ZFAND6: variants seen among roughly 807,000 people sequenced by gnomAD.
ZFAND6 encodes AN1-type zinc finger protein 6.
ZFAND6 carries 12 observed loss-of-function variants against 24.5 expected under a neutral mutation model. That is an observed-to-expected ratio of 0.49 (90% CI 0.31 to 0.79). The LOEUF (loss-of-function observed/expected upper bound fraction) is 0.79, where lower values mean the gene tolerates loss of function less well. ZFAND6 is among the 30% of genes least tolerant of loss of function. The probability of loss-of-function intolerance (pLI) is 0.04; values close to 1 mark genes in which losing one functional copy is unlikely to be tolerated. For synonymous variants in ZFAND6, 92 were observed against 81.5 expected, an observed-to-expected ratio of 1.13 and a Z score of -0.69; for missense variants, 207 against 245.9, an observed-to-expected ratio of 0.84 and a Z score of 1.06.
Position 80,121,724 on chromosome 15 carries a change from G to T in ZFAND6, c.167G>T (p.Ser56Ile). The change falls in exon 4 of 7, where the codon AGT becomes ATT. Residue 56 changes from serine (S) to isoleucine (I), a missense_variant. By Grantham distance (142) the Ser-to-Ile change is moderately radical (BLOSUM62 -2). Around this residue, in one of 3 missense-constraint regions of ZFAND6, gnomAD observed 133 missense variants for 122.8 expected, o/e 1.08. Transcript: ENST00000261749. ...GGTACTGTTACAGCAACCTCTGTCA[G>T]TAGTCTGTCTGAATCTTTACCAGTT... is the stretch of plus-strand genomic sequence containing the variant. ...GRISPPATSV[S>I]SLSESLPVQC... is the part of the protein sequence containing the mutation. The T allele has an allele frequency of 6.2e-7, 1 of 1,613,798 alleles. No individual in the cohort carries two copies. The highest frequency in any genetic ancestry group is 8.5e-7 in the Non-Finnish European group (1 of 1,179,806).
intron 1 of ZFAND6, among the ~76,000 whole-genome samples, chr15:80,066,226 G>A (rs1394528369): frequency 6.6e-6 from 1 of 151,990 alleles, no homozygotes; most frequent in Non-Finnish European, 1.5e-5. Flanking sequence ...TGGATGATCT[G>A]AGACTGTCTC....
chr15:80,133,843 A>C (rs2040731586), intron 6 of ZFAND6, among the ~76,000 whole-genome samples: 1 of 152,236 alleles, frequency 6.6e-6, no homozygotes, highest in Non-Finnish European at 1.5e-5. Context: ...AGGGAAAAAG[A>C]TAAACACCAG....
intron 1 of ZFAND6, among the ~76,000 whole-genome samples, chr15:80,091,135 C>T (rs879423398): frequency 6.7e-6 from 1 of 150,240 alleles, no homozygotes; most frequent in Non-Finnish European, 1.5e-5. Context: ...TCATTAGTAT[C>T]ATATTTTCTA....
chr15:80,107,079 G>A (rs910590388), intron 2 of ZFAND6, among the ~76,000 whole-genome samples: 1 of 152,146 alleles, frequency 6.6e-6, no homozygotes, highest in South Asian at 2.1e-4. Context: ...GCCAGGCATG[G>A]TGGCGGACGC....
rs988702758 is a variant in ZFAND6, at chr15:80,059,695, G to A, written c.-295G>A. 1 of 152,636 alleles carries A rather than the reference G, an allele frequency of 6.6e-6. No individual in the cohort carries two copies. The highest frequency in any genetic ancestry group is 1.5e-5 in the Non-Finnish European group (1 of 68,434). 9.5% of individuals were successfully genotyped at this position (152,636 alleles called of 1,614,324 possible). Reference sequence around the variant, plus strand: ...AAGTTTAATAAACAGCGGACGGAGGGGCCGGCGGTGGCGGAGCCGGAGCAA... The same window carrying A: ...AAGTTTAATAAACAGCGGACGGAGGAGCCGGCGGTGGCGGAGCCGGAGCAA... On this transcript the variant is annotated 5_prime_UTR_variant, in exon 1 of 7. Transcript: ENST00000261749.
At chr15:80,068,333 T>A (rs1235585054) in intron 1 of ZFAND6, among the ~76,000 whole-genome samples, 1 of 151,218 alleles carries the variant, frequency 6.6e-6, no homozygotes, top group Non-Finnish European at 1.5e-5. Flanking sequence ...TTTTTAAAAT[T>A]TTTTGTAGAG....
chr15:80,118,525 A>T (rs1054463599), intron 2 of ZFAND6, among the ~76,000 whole-genome samples: 3 of 152,124 alleles, frequency 2.0e-5, no homozygotes, highest in Admixed American at 6.6e-5. Context: ...TAGCATTTCT[A>T]TACTGTGCTT....
chr15:80,118,536 G>A (rs1484700177), intron 2 of ZFAND6, among the ~76,000 whole-genome samples: 3 of 152,064 alleles, frequency 2.0e-5, no homozygotes, highest in Non-Finnish European at 4.4e-5. Context: ...TACTGTGCTT[G>A]TTATTTTTTA....
At chr15:80,068,897 T>TCACA (rs1237676897) in intron 1 of ZFAND6, among the ~76,000 whole-genome samples, 18 of 152,278 alleles carry the variant, frequency 1.2e-4, no homozygotes, top group African/African-American at 4.3e-4. Flanking sequence ...TTTACTGTGG[T>TCACA]ATCTTCAGCG....
chr15:80,134,356 C>T (rs531324646), intron 6 of ZFAND6, among the ~76,000 whole-genome samples: 8 of 152,180 alleles, frequency 5.3e-5, no homozygotes, highest in South Asian at 4.1e-4. Flanking sequence ...GCACTGAAGG[C>T]GTCGAAGTGA....
chr15:80,076,236 A>G (rs969088642), intron 1 of ZFAND6, among the ~76,000 whole-genome samples: 1 of 152,144 alleles, frequency 6.6e-6, no homozygotes, highest in African/African-American at 2.4e-5. Context: ...CCTGAGACCC[A>G]TATTTATCCA....
rs533126774 is a variant in ZFAND6, at chr15:80,068,465, G to A, written c.-181+8656G>A. The stretch of plus-strand genomic sequence containing the variant: ...CGGCTAACTGCAGCCTCCAGCCCCC[G>A]GGTTCAAGTGATTCTCCTGCCTCAG... On this transcript the variant is annotated intron_variant, in intron 1 of 6. Transcript: ENST00000261749. Among the ~76,000 whole-genome samples the A allele has an allele frequency of 2.0e-3, 299 of 151,748 alleles. 1 individual carries two copies. The highest frequency in any genetic ancestry group is 3.6e-3 in the Non-Finnish European group (245 of 67,952).
intron 2 of ZFAND6, among the ~76,000 whole-genome samples, chr15:80,117,812 G>C (rs890794410): frequency 8.6e-5 from 13 of 150,912 alleles, no homozygotes; most frequent in African/African-American, 2.9e-4. Context: ...CCACTGCTTT[G>C]ATTTGGCCCC....
chr15:80,099,158 T>C lies in ZFAND6; in HGVS notation c.-18+580T>C, dbSNP rs145121077. On this transcript the variant is annotated intron_variant, in intron 2 of 6. Transcript: ENST00000261749. ...ATTTTATTTTTTAAAGTACTTTGAATAATAGAAATGCCTATGGAAGAAAAA... is the reference window on the plus strand; with the variant it reads ...ATTTTATTTTTTAAAGTACTTTGAACAATAGAAATGCCTATGGAAGAAAAA... 3.1e-4 allele frequency among the ~76,000 whole-genome samples: 47 copies of C among 152,274 alleles called. No individual in the cohort carries two copies. The East Asian group carries it at 9.1e-3, about 29-fold the overall frequency.
chr15:80,111,447 C>T (rs918499297), intron 2 of ZFAND6: 1 of 450,668 alleles, frequency 2.2e-6, no homozygotes, highest in African/African-American at 2.0e-5. Context: ...CCTGGGAATA[C>T]TGTATTTTCA....
rs964866733 is a variant in ZFAND6, at chr15:80,119,751, T to G, written c.-17-577T>G. On this transcript the variant is annotated intron_variant, in intron 2 of 6. Transcript: ENST00000261749. ...GACTGGTTCAGATAGCAATATTTGT[T>G]TTTTACAGGGTTCTTGAAGTGAATT... Among the ~76,000 whole-genome samples the G allele has an allele frequency of 3.3e-5, 5 of 152,316 alleles. No homozygotes were observed. The South Asian group carries it at 1.0e-3, about 32-fold the overall frequency.
intron 1 of ZFAND6, among the ~76,000 whole-genome samples, chr15:80,082,640 C>T (rs777375805): frequency 2.0e-4 from 30 of 152,136 alleles, no homozygotes; most frequent in Non-Finnish European, 3.2e-4. Context: ...AAGTGACTTT[C>T]TGGGAAAGGT....
intron 2 of ZFAND6, among the ~76,000 whole-genome samples, chr15:80,102,900 A>C (rs1411524442): frequency 1.3e-5 from 2 of 152,234 alleles, no homozygotes; most frequent in Non-Finnish European, 2.9e-5. Context: ...ACCTAAGGAA[A>C]GAAAAAAGGA....
intron 1 of ZFAND6, among the ~76,000 whole-genome samples, chr15:80,097,757 G>A (rs544524595): frequency 6.6e-6 from 1 of 151,988 alleles, no homozygotes; most frequent in Non-Finnish European, 1.5e-5. Flanking sequence ...GAGAAACAAA[G>A]ATTTTTATCT....
Sources: gnomAD v4.1 joint callset for allele counts (sites outside exome capture counted in the v4.1 genomes callset) on GRCh38, gnomAD v4.1.1 for gene constraint, gnomAD v4.1.1 regional missense constraint, MANE v1.5 for transcripts, NCBI Gene and HGNC (gene_info 2026-07-23, HGNC 2026-07-21) for gene names.